The following TMEM114 variants were observed in gnomAD, a reference collection of about 807,000 sequenced individuals.
The protein encoded by TMEM114 is claudin-26.
In TMEM114, 6 loss-of-function variants were observed where a neutral mutation model predicts 6.2. The observed-to-expected ratio is 0.97, with a 90% CI of 0.53 to 1.91. The LOEUF (loss-of-function observed/expected upper bound fraction) is 1.91, where lower values mean the gene tolerates loss of function less well. Ranked by LOEUF, TMEM114 falls within the 40% of genes most tolerant of loss-of-function variation. The pLI is 0.01. For synonymous variants in TMEM114, 104 were observed against 73.0 expected (o/e 1.42, Z -2.16); for missense variants, 218 against 158.3 (o/e 1.38, Z -2.02).
At chr16:8,550,162 T>G (rs936400083) in intron 2 of TMEM114, among the ~76,000 whole-genome samples, 7 of 152,212 alleles carry the variant, frequency 4.6e-5, no homozygotes, top group African/African-American at 1.7e-4. Flanking sequence ...TGCCTGCTTT[T>G]TCTAGCCGTG....
At chr16:8,560,119 A>G (rs1196650605) in intron 2 of TMEM114, among the ~76,000 whole-genome samples, 4 of 152,018 alleles carry the variant, frequency 2.6e-5, no homozygotes, top group African/African-American at 9.7e-5. Context: ...CAGCCTCCTG[A>G]GTAGCTGGGA....
At chr16:8,560,457 A>G (rs1901162944) in intron 2 of TMEM114, among the ~76,000 whole-genome samples, 1 of 152,104 alleles carries the variant, frequency 6.6e-6, no homozygotes, top group African/African-American at 2.4e-5. Flanking sequence ...CATGTTAACA[A>G]AAGTTTGCAT....
chr16:8,534,360 A>AAAAC (rs1900295469), downstream of TMEM114, among the ~76,000 whole-genome samples: 1 of 151,904 alleles, frequency 6.6e-6, no homozygotes, highest in Non-Finnish European at 1.5e-5. Context: ...TTGAAAAAAA[A>AAAAC]AAAGGAATTC....
chr16:8,553,119 G>A (rs900129185), intron 2 of TMEM114, among the ~76,000 whole-genome samples: 1 of 152,200 alleles, frequency 6.6e-6, no homozygotes, highest in Non-Finnish European at 1.5e-5. Context: ...CCAGGATGGA[G>A]ATGACAGGAG....
chr16:8,584,313 C>T (rs920096613), intron 2 of TMEM114, among the ~76,000 whole-genome samples: 1 of 152,026 alleles, frequency 6.6e-6, no homozygotes, highest in Non-Finnish European at 1.5e-5. Flanking sequence ...TAGACTGGAT[C>T]ATTCTAGACC....
chr16:8,552,830 C>G (rs996570798), intron 2 of TMEM114, among the ~76,000 whole-genome samples: 4 of 152,200 alleles, frequency 2.6e-5, no homozygotes, highest in African/African-American at 9.7e-5. Context: ...AACCCCTCCC[C>G]TCCCCTCCCA....
Position 8,537,660 on chromosome 16 carries a change from T to C in TMEM114, n.379A>G, listed in dbSNP as rs564878417. On this transcript the variant is annotated non_coding_transcript_exon_variant, in exon 3 of 3. Transcript: ENST00000623677. ...ATTCTATTTTTCATAACCATGATAA[T>C]ATCATATGATATCATATGGTGTGAA... The C allele has an allele frequency of 3.3e-5, 5 of 152,350 alleles. No homozygotes were observed. In the South Asian group the frequency reaches 1.0e-3, roughly 32 times the overall value. The allele number at this position is 152,350 out of a possible 1,614,324, so 9.4% of individuals were successfully genotyped here.
chr16:8,563,836 AGG>A (rs1397259289), intron 2 of TMEM114, among the ~76,000 whole-genome samples: 11 of 80,282 alleles, frequency 1.4e-4, no homozygotes, highest in Non-Finnish European at 2.8e-4. Flanking sequence ...TGAATGAGTG[AGG>A]GAGGGAGGGA....
chr16:8,585,920 T>C (rs2141702196), intron 2 of TMEM114, among the ~76,000 whole-genome samples: 1 of 152,242 alleles, frequency 6.6e-6, no homozygotes, highest in South Asian at 2.1e-4. Flanking sequence ...GCCTACTTGG[T>C]GGTGAAACTG....
At chr16:8,572,833 A>G (rs546021521) in intron 2 of TMEM114, among the ~76,000 whole-genome samples, 1 of 152,140 alleles carries the variant, frequency 6.6e-6, no homozygotes, top group Non-Finnish European at 1.5e-5. Context: ...AGAACTTGGG[A>G]TTGGGGGATG....
downstream of TMEM114, among the ~76,000 whole-genome samples, chr16:8,536,224 CAAA>C (rs34583203): frequency 3.7e-5 from 4 of 107,450 alleles, no homozygotes; most frequent in Non-Finnish European, 6.0e-5. Flanking sequence ...AACTCTGTCT[CAAA>C]AAAAAAAAAA....
chr16:8,567,191 G>A (rs1596483021), downstream of TMEM114, among the ~76,000 whole-genome samples: 1 of 152,008 alleles, frequency 6.6e-6, no homozygotes, highest in Non-Finnish European at 1.5e-5. Context: ...TTACAGGCAT[G>A]AGCCATGGCG....
rs1397097438 is a variant in TMEM114, at chr16:8,589,932, C to G, written c.-94G>C. ...TCCCCAGCCGGCCACCGCGGGCTCC[C>G]AGCTCCACCGCCGCCAGAGCCGCGG... On this transcript the variant is annotated 5_prime_UTR_variant, in exon 1 of 4. Coordinates refer to ENST00000620492, the MANE Select transcript of TMEM114 (RefSeq NM_001146336.2). 2.6e-6 allele frequency: 1 copy of G among 389,644 alleles called. No homozygotes were observed. The highest frequency in any genetic ancestry group is 4.5e-6 in the Non-Finnish European group (1 of 220,820). 24.1% of individuals were successfully genotyped at this position (389,644 alleles called of 1,614,324 possible).
At chr16:8,567,171 A>T (rs1280307890), downstream of TMEM114, among the ~76,000 whole-genome samples, 2 of 151,936 alleles carry the variant, frequency 1.3e-5, no homozygotes, top group African/African-American at 4.8e-5. Context: ...GGCATCCCAA[A>T]GTGCTGGGAT....
At chr16:8,566,800 C>T (rs538420405), downstream of TMEM114, among the ~76,000 whole-genome samples, 41 of 151,954 alleles carry the variant, frequency 2.7e-4, no homozygotes, top group South Asian at 1.9e-3. Flanking sequence ...GTTCTTCATG[C>T]GGGTCTCAGC....
At chr16:8,550,092 C>T (rs969283415) in intron 2 of TMEM114, among the ~76,000 whole-genome samples, 2 of 152,174 alleles carry the variant, frequency 1.3e-5, no homozygotes, top group Non-Finnish European at 1.5e-5. Context: ...AGGAAGCATC[C>T]ATCATGGGAG....
chr16:8,545,138 G>C (rs1900623815), intron 2 of TMEM114, among the ~76,000 whole-genome samples: 1 of 151,912 alleles, frequency 6.6e-6, no homozygotes, highest in Admixed American at 6.6e-5. Flanking sequence ...TTATGTTCTT[G>C]ATCACTAGTC....
At chr16:8,552,889 T>C (rs1045621310) in intron 2 of TMEM114, among the ~76,000 whole-genome samples, 1 of 152,116 alleles carries the variant, frequency 6.6e-6, no homozygotes. Flanking sequence ...CACCGAGCTG[T>C]GATTCTGAAG....
chr16:8,571,535 CCTT>C (rs1454511220), intron 3 of TMEM114, among the ~76,000 whole-genome samples: 7 of 152,138 alleles, frequency 4.6e-5, no homozygotes, highest in Non-Finnish European at 1.5e-5. Context: ...CACTGAACTT[CCTT>C]CTTTTCAGCT....
Sources: allele counts gnomAD v4.1 joint callset (sites outside exome capture counted in the v4.1 genomes callset), GRCh38; gene constraint gnomAD v4.1.1; transcripts MANE v1.5; gene names NCBI Gene and HGNC (gene_info 2026-07-23, HGNC 2026-07-21).